SMG7: variants seen among roughly 807,000 people sequenced by gnomAD.
The protein encoded by SMG7 is SMG7 nonsense mediated mRNA decay factor.
A neutral mutation model predicts 148.2 loss-of-function variants in SMG7; 34 were observed. The observed-to-expected ratio is 0.23, with a 90% CI of 0.17 to 0.31. SMG7 has a LOEUF of 0.31. SMG7 is among the 10% of genes least tolerant of loss of function. SMG7 has a pLI of 1.00. For missense variants in SMG7, 1,114 were observed against 1,408.4 expected (o/e 0.79, Z 3.35); for synonymous variants, 492 against 515.1 (o/e 0.96, Z 0.61).
intron 10 of SMG7, among the ~76,000 whole-genome samples, chr1:183,534,241 A>C (rs1312418235): frequency 6.6e-6 from 1 of 152,142 alleles, no homozygotes; most frequent in East Asian, 1.9e-4. Context: ...TTACAGTAAC[A>C]CTCAATTTGA....
At chr1:183,507,948 G>A (rs1285339263) in intron 1 of SMG7, among the ~76,000 whole-genome samples, 1 of 151,822 alleles carries the variant, frequency 6.6e-6, no homozygotes, top group East Asian at 1.9e-4. Flanking sequence ...AATATATTTC[G>A]ATAGCTATGT....
At chr1:183,502,450 T>C in intron 1 of SMG7, 1 of 1,369,350 alleles carries the variant, frequency 7.3e-7, no homozygotes. Context: ...AGATGTGTAT[T>C]ATTCATACTC....
chr1:183,482,225 G>A (rs1654319554), intron 1 of SMG7, among the ~76,000 whole-genome samples: 1 of 151,758 alleles, frequency 6.6e-6, no homozygotes, highest in Non-Finnish European at 1.5e-5. Flanking sequence ...TTTTTGTGTG[G>A]GGGTGGGGGG....
intron 6 of SMG7, 137 bp from the exon 7 acceptor site, chr1:183,528,754 GT>G (rs1666350177): frequency 1.4e-6 from 1 of 718,946 alleles, no homozygotes; most frequent in Non-Finnish European, 2.3e-6. Context: ...CCTTACGCTG[GT>G]TTGCAATGAG....
intron 1 of SMG7, among the ~76,000 whole-genome samples, chr1:183,491,698 A>G (rs1657070288): frequency 6.6e-6 from 1 of 152,132 alleles, no homozygotes; most frequent in Admixed American, 6.5e-5. Context: ...AGAATTCTTT[A>G]TCTATCATGG....
chr1:183,540,925 T>A, intron 12 of SMG7, 59 bp from the exon 13 acceptor site: 4 of 1,573,558 alleles, frequency 2.5e-6, no homozygotes, highest in Non-Finnish European at 3.5e-6. Flanking sequence ...TGAACTTGGT[T>A]GCCTGGAAAA....
At chr1:183,492,018 G>A (rs943991521) in intron 1 of SMG7, among the ~76,000 whole-genome samples, 2 of 152,218 alleles carry the variant, frequency 1.3e-5, no homozygotes, top group Non-Finnish European at 1.5e-5. Context: ...AGTCCTCATA[G>A]TCTGATCACC....
intron 1 of SMG7, among the ~76,000 whole-genome samples, chr1:183,510,120 A>G (rs1433094977): frequency 6.6e-6 from 1 of 152,208 alleles, no homozygotes; most frequent in Non-Finnish European, 1.5e-5. Context: ...TATCCTGAAC[A>G]TACTTGAGTA....
rs79810264 is a variant in SMG7, at chr1:183,545,896, A to T, written c.2371-70A>T. ...GAAAACACCCCAAGTTCATTCTGTG[A>T]TTCTTTAGCATTCATTATAAGTAAT... On this transcript the variant is annotated intron_variant, in intron 16 of 22. Coordinates refer to ENST00000688051, the MANE Select transcript of SMG7 (RefSeq NM_001375584.1). 1,415 of 1,495,594 alleles carry T rather than the reference A, an allele frequency of 9.5e-4. 12 individuals carry two copies. In the African/African-American group the frequency reaches 0.018, roughly 19 times the overall value. The allele number at this position is 1,495,594 out of a possible 1,614,324, so 92.6% of individuals were successfully genotyped here. A position where few individuals can be genotyped will look rare whatever the true frequency, so the allele number is the denominator to read the frequency against.
At chr1:183,521,666 G>A (rs775924016) in intron 4 of SMG7, among the ~76,000 whole-genome samples, 16 of 152,026 alleles carry the variant, frequency 1.1e-4, no homozygotes, top group Admixed American at 7.9e-4. Context: ...GATCACTTGA[G>A]ACCAGCCTGG....
rs909913346 is a variant in SMG7 at position 183,526,851 on chromosome 1, C to T, written c.484+84C>T. 2.4e-5 allele frequency: 27 copies of T among 1,118,728 alleles called. No homozygotes were observed. The African/African-American group carries it at 3.2e-4, about 13-fold the overall frequency. 69.3% of individuals were successfully genotyped at this position (1,118,728 alleles called of 1,614,324 possible). Reference sequence around the variant, plus strand: ...TAGAAAGAAACTGTTTTCCTTTAAGCGGAGCATACACACACAATTTAGATT... The same window carrying T: ...TAGAAAGAAACTGTTTTCCTTTAAGTGGAGCATACACACACAATTTAGATT... On this transcript the variant is annotated intron_variant, in intron 5 of 22. Transcript: ENST00000688051.
At chr1:183,480,703 A>G (rs1479307306) in intron 1 of SMG7, among the ~76,000 whole-genome samples, 1 of 152,210 alleles carries the variant, frequency 6.6e-6, no homozygotes, top group East Asian at 1.9e-4. Context: ...AGTGGTATAT[A>G]CACAGAGGCT....
intron 1 of SMG7, 29 bp from the exon 2 acceptor site, chr1:183,512,808 C>CTTTTTTTTTTT (rs59379855): frequency 2.7e-5 from 34 of 1,279,384 alleles, no homozygotes; most frequent in East Asian, 1.7e-4. Context: ...AACTGATACT[C>CTTTTTTTTTTT]TTTTTTTTTT....
At chr1:183,477,592 A>G (rs913075523) in intron 1 of SMG7, among the ~76,000 whole-genome samples, 14 of 128,874 alleles carry the variant, frequency 1.1e-4, no homozygotes, top group African/African-American at 3.5e-4. Context: ...ACGTGTGTGC[A>G]TATGTGTATA....
chr1:183,487,976 A>C (rs955636276), intron 1 of SMG7, among the ~76,000 whole-genome samples: 4 of 152,240 alleles, frequency 2.6e-5, no homozygotes, highest in Non-Finnish European at 5.9e-5. Context: ...TACCAGAGAT[A>C]CACAGATGGA....
intron 1 of SMG7, among the ~76,000 whole-genome samples, chr1:183,498,646 A>G (rs1446662191): frequency 3.3e-5 from 5 of 152,218 alleles, no homozygotes; most frequent in African/African-American, 9.6e-5. Flanking sequence ...CGAGAAAGGT[A>G]TAGAGATTTC....
intron 1 of SMG7, among the ~76,000 whole-genome samples, chr1:183,491,821 A>G (rs899478730): frequency 6.6e-6 from 1 of 152,236 alleles, no homozygotes; most frequent in African/African-American, 2.4e-5. Context: ...TCCAGTATTA[A>G]GGTGCCGGCA....
chr1:183,494,833 C>G (rs1359779552), intron 1 of SMG7, among the ~76,000 whole-genome samples: 3 of 110,780 alleles, frequency 2.7e-5, no homozygotes, highest in African/African-American at 7.3e-5. Flanking sequence ...GTGGTGCAAT[C>G]TCGGCTCACC....
chr1:183,477,283 CTCTTT>C (rs1254640348), intron 1 of SMG7, among the ~76,000 whole-genome samples: 4 of 152,262 alleles, frequency 2.6e-5, no homozygotes, highest in South Asian at 2.1e-4. Flanking sequence ...CTTCACTATT[CTCTTT>C]TGTCTCTAAT....
Sources: allele counts gnomAD v4.1 joint callset (sites outside exome capture counted in the v4.1 genomes callset), GRCh38; gene constraint gnomAD v4.1.1; transcripts MANE v1.5; gene names NCBI Gene and HGNC (gene_info 2026-07-23, HGNC 2026-07-21).